The following PBX1 variants were observed in gnomAD, a reference collection of about 807,000 sequenced individuals.
PBX1 encodes pre-B-cell leukemia transcription factor 1.
In PBX1, 6 loss-of-function variants were observed where a neutral mutation model predicts 53.4. The observed-to-expected ratio is 0.11, with a 90% CI of 0.06 to 0.22. The LOEUF is 0.22. Ranked by LOEUF, PBX1 falls within the 10% of genes least tolerant of loss-of-function variation. PBX1 has a pLI of 1.00. For synonymous variants in PBX1, 204 were observed against 212.3 expected (o/e 0.96, Z 0.34); for missense variants, 251 against 551.4 (o/e 0.46, Z 5.46).
At chr1:164,797,674 G>A (rs1432175073) in intron 3 of PBX1, among the ~76,000 whole-genome samples, 1 of 152,168 alleles carries the variant, frequency 6.6e-6, no homozygotes, top group African/African-American at 2.4e-5. Context: ...CTCTGGAGAA[G>A]TTTACCCAGT....
intron 2 of PBX1, among the ~76,000 whole-genome samples, chr1:164,858,640 G>T (rs892978713): frequency 1.3e-5 from 2 of 152,150 alleles, no homozygotes; most frequent in African/African-American, 4.8e-5. Context: ...ACTGTGCAGT[G>T]TGGCCCACCT....
intron 2 of PBX1, among the ~76,000 whole-genome samples, chr1:164,670,381 C>T (rs1661048062): frequency 6.6e-6 from 1 of 152,186 alleles, no homozygotes; most frequent in African/African-American, 2.4e-5. Context: ...AGCACTTCCA[C>T]TGGAAGCCTT....
At chr1:164,722,722 A>T (rs1352234582) in intron 2 of PBX1, among the ~76,000 whole-genome samples, 2 of 152,062 alleles carry the variant, frequency 1.3e-5, no homozygotes, top group Non-Finnish European at 2.9e-5. Context: ...CATGATGCTT[A>T]TCCAACTAAG....
downstream of PBX1, among the ~76,000 whole-genome samples, chr1:164,852,890 T>TA (rs1671890548): frequency 6.6e-6 from 1 of 152,178 alleles, no homozygotes; most frequent in Admixed American, 6.5e-5. Flanking sequence ...GGAATATACT[T>TA]ACGGGAGCAA....
At position 164,737,382 on chromosome 1, in the gene PBX1, A is replaced by G. The variant is rs190001126; in HGVS notation, c.266-55112A>G. On this transcript the variant is annotated intron_variant, in intron 2 of 8. Transcript: ENST00000420696. The stretch of plus-strand genomic sequence containing the variant: ...TATCCATTGTTTTTATTTTTGATCA[A>G]TGAGGTATAATTCACATAAATAATT... 3.0e-3 allele frequency among the ~76,000 whole-genome samples: 457 copies of G among 152,290 alleles called. 2 individuals carry two copies. The highest frequency in any genetic ancestry group is 5.2e-3 in the South Asian group (25 of 4,826).
chr1:164,802,328 A>G (rs560163757), intron 4 of PBX1, among the ~76,000 whole-genome samples: 1 of 152,242 alleles, frequency 6.6e-6, no homozygotes, highest in Non-Finnish European at 1.5e-5. Context: ...AATCAAGCTT[A>G]TAAGCTGAGG....
At chr1:164,881,033 T>G (rs1672633963) in intron 2 of PBX1, among the ~76,000 whole-genome samples, 1 of 152,188 alleles carries the variant, frequency 6.6e-6, no homozygotes, top group Non-Finnish European at 1.5e-5. Flanking sequence ...TCCAAGCTCA[T>G]GCTCCCAGTG....
intron 8 of PBX1, among the ~76,000 whole-genome samples, chr1:164,841,589 G>A (rs142468094): frequency 4.6e-5 from 7 of 152,246 alleles, no homozygotes; most frequent in Middle Eastern, 3.4e-3. Context: ...ATCTTTTGAC[G>A]TCCCTAAGGG....
chr1:164,587,854 C>G lies in PBX1; in HGVS notation c.265+24543C>G, dbSNP rs771946079. Among the ~76,000 whole-genome samples the G allele has an allele frequency of 3.4e-4, 51 of 152,150 alleles. 1 individual carries two copies. The highest frequency in any genetic ancestry group is 6.2e-4 in the Non-Finnish European group (42 of 68,028). On this transcript the variant is annotated intron_variant, in intron 2 of 8. Transcript: ENST00000420696. Reference sequence around the variant, plus strand: ...ACAGGTGCCAGATGTTGCAGCAGTACACTCCTCCCTGATCCTCCTTCTCAT... The same window carrying G: ...ACAGGTGCCAGATGTTGCAGCAGTAGACTCCTCCCTGATCCTCCTTCTCAT...
intron 2 of PBX1, among the ~76,000 whole-genome samples, chr1:164,623,185 G>A (rs1357927362): frequency 3.3e-5 from 5 of 152,100 alleles, no homozygotes; most frequent in African/African-American, 1.2e-4. Flanking sequence ...ATCTCTGGAG[G>A]TAAGCCCCGC....
chr1:164,651,393 G>A (rs1272185689), intron 2 of PBX1, among the ~76,000 whole-genome samples: 1 of 152,012 alleles, frequency 6.6e-6, no homozygotes, highest in East Asian at 1.9e-4. Context: ...CAGTCCTCAT[G>A]TTTATTTCAT....
chr1:164,615,107 T>C (rs938332218), intron 2 of PBX1, among the ~76,000 whole-genome samples: 19 of 152,204 alleles, frequency 1.2e-4, no homozygotes, highest in Admixed American at 5.9e-4. Context: ...TTCAACTCTT[T>C]CCTTAATTCT....
intron 2 of PBX1, among the ~76,000 whole-genome samples, chr1:164,867,137 C>T (rs902880845): frequency 1.3e-5 from 2 of 152,138 alleles, no homozygotes; most frequent in Non-Finnish European, 2.9e-5. Flanking sequence ...TTTACATCTT[C>T]GATCTGCTGC....
intron 8 of PBX1, among the ~76,000 whole-genome samples, chr1:164,827,375 G>A (rs1169191155): frequency 6.6e-6 from 1 of 152,168 alleles, no homozygotes; most frequent in African/African-American, 2.4e-5. Flanking sequence ...CCCCCCAGTT[G>A]GTTGTCTTTG....
intron 2 of PBX1, among the ~76,000 whole-genome samples, chr1:164,715,545 C>A (rs193273374): frequency 1.3e-5 from 2 of 152,206 alleles, no homozygotes; most frequent in Admixed American, 1.3e-4. Context: ...AGAGACAGGA[C>A]CATGCTGGGG....
intron 2 of PBX1, among the ~76,000 whole-genome samples, chr1:164,876,931 C>T (rs537601589): frequency 1.3e-5 from 2 of 152,304 alleles, no homozygotes; most frequent in African/African-American, 2.4e-5. Context: ...CCTAACTCAC[C>T]CTGGACCTCA....
At chr1:164,573,906 T>C (rs1437907237) in intron 2 of PBX1, among the ~76,000 whole-genome samples, 2 of 152,262 alleles carry the variant, frequency 1.3e-5, no homozygotes, top group Admixed American at 1.3e-4. Flanking sequence ...AACTCCGTTT[T>C]GTTCCTTTTT....
intron 2 of PBX1, among the ~76,000 whole-genome samples, chr1:164,630,538 T>C (rs1658344718): frequency 6.6e-6 from 1 of 152,052 alleles, no homozygotes; most frequent in Non-Finnish European, 1.5e-5. Context: ...AAATATTTGG[T>C]AAAAGAGAAA....
chr1:164,632,425 AG>A (rs1658469312), intron 2 of PBX1, among the ~76,000 whole-genome samples: 1 of 152,208 alleles, frequency 6.6e-6, no homozygotes, highest in Admixed American at 6.5e-5. Context: ...CTCTGAGTGT[AG>A]AGAAGCAAGA....
Sources: allele counts gnomAD v4.1 joint callset (sites outside exome capture counted in the v4.1 genomes callset), GRCh38; gene constraint gnomAD v4.1.1; transcripts MANE v1.5; gene names NCBI Gene and HGNC (gene_info 2026-07-23, HGNC 2026-07-21).